The following ASIC2 variants were observed in gnomAD, a reference collection of about 807,000 sequenced individuals.
The protein encoded by ASIC2 is acid sensing ion channel subunit 2, also known as acid-sensing ion channel 2.
A neutral mutation model predicts 57.3 loss-of-function variants in ASIC2; 25 were observed. The observed-to-expected ratio is 0.44, with a 90% CI of 0.32 to 0.61. The LOEUF (loss-of-function observed/expected upper bound fraction) is 0.61, where lower values mean the gene tolerates loss of function less well. Ranked by LOEUF, ASIC2 falls within the 20% of genes least tolerant of loss-of-function variation. ASIC2 has a pLI of 0.06. For synonymous variants in ASIC2, 319 were observed against 307.5 expected, an observed-to-expected ratio of 1.04 and a Z score of -0.39; for missense variants, 641 against 738.1, an observed-to-expected ratio of 0.87 and a Z score of 1.52.
intron 1 of ASIC2, among the ~76,000 whole-genome samples, chr17:33,959,008 G>A (rs911299603): frequency 9.9e-5 from 15 of 152,090 alleles, no homozygotes; most frequent in Admixed American, 2.0e-4. Flanking sequence ...TTTGCAAAAA[G>A]CATAACAAGA....
chr17:33,240,739 G>A (rs569986259), intron 1 of ASIC2, among the ~76,000 whole-genome samples: 11 of 152,070 alleles, frequency 7.2e-5, no homozygotes, highest in Non-Finnish European at 1.2e-4. Flanking sequence ...CCAATCCTGC[G>A]GGGTCCGTGC....
chr17:33,752,146 T>C (rs1011982679), intron 1 of ASIC2, among the ~76,000 whole-genome samples: 1 of 151,742 alleles, frequency 6.6e-6, no homozygotes, highest in African/African-American at 2.4e-5. Context: ...ATACACAGAG[T>C]AGGGTCATTT....
intron 1 of ASIC2, among the ~76,000 whole-genome samples, chr17:33,595,243 A>G (rs1027661043): frequency 2.6e-5 from 4 of 152,210 alleles, no homozygotes; most frequent in Non-Finnish European, 4.4e-5. Flanking sequence ...TGAAAAATTA[A>G]AAAAGGTAGA....
chr17:33,973,430 T>C (rs920715505), intron 1 of ASIC2, among the ~76,000 whole-genome samples: 1 of 152,180 alleles, frequency 6.6e-6, no homozygotes, highest in Non-Finnish European at 1.5e-5. Context: ...CCTGGCAGAA[T>C]GGCCAAACCA....
chr17:33,846,192 G>A (rs1913592754), intron 1 of ASIC2, among the ~76,000 whole-genome samples: 1 of 152,116 alleles, frequency 6.6e-6, no homozygotes, highest in Non-Finnish European at 1.5e-5. Flanking sequence ...TATGGCTTGG[G>A]GGCTCTTCTC....
intron 1 of ASIC2, among the ~76,000 whole-genome samples, chr17:33,538,151 T>C (rs191594554): frequency 6.6e-6 from 1 of 152,348 alleles, no homozygotes; most frequent in East Asian, 1.9e-4. Flanking sequence ...CTTTTTAACC[T>C]TCCTGCCTGT....
chr17:33,197,925 T>A (rs904145171), intron 1 of ASIC2, among the ~76,000 whole-genome samples: 4 of 152,210 alleles, frequency 2.6e-5, no homozygotes, highest in African/African-American at 9.6e-5. Context: ...TTTAGATATG[T>A]GTTACATGGG....
upstream of ASIC2, among the ~76,000 whole-genome samples, chr17:33,294,092 A>G (rs140002902): frequency 3.2e-4 from 49 of 152,260 alleles, no homozygotes; most frequent in African/African-American, 1.1e-3. Flanking sequence ...TCTGCCAAGC[A>G]CAGCTCTCCA....
intron 3 of ASIC2, among the ~76,000 whole-genome samples, chr17:33,061,827 C>T (rs1447308982): frequency 3.9e-5 from 6 of 152,142 alleles, no homozygotes; most frequent in Non-Finnish European, 8.8e-5. Flanking sequence ...TAATTATTGC[C>T]TCAATTTCAG....
At chr17:33,299,843 CCCTGT>C (rs1334136555) in intron 1 of ASIC2, among the ~76,000 whole-genome samples, 1 of 152,148 alleles carries the variant, frequency 6.6e-6, no homozygotes, top group Non-Finnish European at 1.5e-5. Flanking sequence ...TAATGGAGAA[CCCTGT>C]GAAGTGGGAG....
chr17:33,602,569 T>C (rs926026642), intron 1 of ASIC2, among the ~76,000 whole-genome samples: 3 of 152,192 alleles, frequency 2.0e-5, no homozygotes, highest in Admixed American at 6.5e-5. Context: ...AATTACCCAG[T>C]CTGTGGTACT....
intron 1 of ASIC2, among the ~76,000 whole-genome samples, chr17:33,858,015 G>A (rs1161111663): frequency 1.3e-5 from 2 of 151,260 alleles, no homozygotes; most frequent in Non-Finnish European, 1.5e-5. Context: ...AGGTCAAGAG[G>A]ACCTCAGGTA....
At chr17:33,350,834 A>T (rs1187877424) in intron 1 of ASIC2, among the ~76,000 whole-genome samples, 3 of 152,202 alleles carry the variant, frequency 2.0e-5, no homozygotes, top group East Asian at 1.9e-4. Context: ...AAAAGAAAAA[A>T]AAAGCCCATT....
At chr17:34,081,970 T>A (rs2142079290) in intron 1 of ASIC2, 1 of 152,356 alleles carries the variant, frequency 6.6e-6, no homozygotes, top group East Asian at 1.9e-4. Flanking sequence ...GGCTTTCTGG[T>A]CTCATTTGCT....
chr17:33,114,447 C>G (rs2092272747), intron 1 of ASIC2, among the ~76,000 whole-genome samples: 1 of 152,244 alleles, frequency 6.6e-6, no homozygotes, highest in Non-Finnish European at 1.5e-5. Context: ...AATATCCTCT[C>G]TGTCTCTTCA....
chr17:33,336,877 A>G (rs772536052), intron 1 of ASIC2, among the ~76,000 whole-genome samples: 8 of 152,150 alleles, frequency 5.3e-5, no homozygotes, highest in Non-Finnish European at 1.2e-4. Flanking sequence ...AGCTTTGTCA[A>G]TGCGCTCGTG....
At chr17:33,534,501 G>A (rs1461588574) in intron 1 of ASIC2, 1 of 152,184 alleles carries the variant, frequency 6.6e-6, no homozygotes, top group African/African-American at 2.4e-5. Context: ...ATCTTACAAT[G>A]TCCTATGCAG....
At chr17:33,171,728 T>C (rs1905528257) in intron 1 of ASIC2, among the ~76,000 whole-genome samples, 1 of 152,240 alleles carries the variant, frequency 6.6e-6, no homozygotes, top group African/African-American at 2.4e-5. Flanking sequence ...TCCTTTAACC[T>C]GGGGTCATAA....
At chr17:33,413,579 TTTA>T (rs1910737381) in intron 1 of ASIC2, among the ~76,000 whole-genome samples, 1 of 152,206 alleles carries the variant, frequency 6.6e-6, no homozygotes, top group South Asian at 2.1e-4. Context: ...CCTAGGCCCT[TTTA>T]TTTTTCTCCC....
Sources: gnomAD v4.1 joint callset for allele counts (sites outside exome capture counted in the v4.1 genomes callset) on GRCh38, gnomAD v4.1.1 for gene constraint, MANE v1.5 for transcripts, NCBI Gene and HGNC (gene_info 2026-07-23, HGNC 2026-07-21) for gene names.